MRPL19: variants seen among roughly 807,000 people sequenced by gnomAD.
The protein encoded by MRPL19 is large ribosomal subunit protein bL19m.
A neutral mutation model predicts 34.0 loss-of-function variants in MRPL19; 31 were observed. The ratio of observed to expected loss-of-function variants is 0.91; its 90% confidence interval spans 0.68 to 1.23. The LOEUF (loss-of-function observed/expected upper bound fraction) is 1.23, where lower values mean the gene tolerates loss of function less well. Ranked by LOEUF, MRPL19 falls within the 50% of genes most tolerant of loss-of-function variation. The pLI is 0.00. For synonymous variants in MRPL19, 152 were observed against 127.7 expected, an observed-to-expected ratio of 1.19 and a Z score of -1.28; for missense variants, 384 against 367.6, an observed-to-expected ratio of 1.04 and a Z score of -0.37.
Position 75,657,258 on chromosome 2 carries a change from G to C in MRPL19, c.*1973G>C, listed in dbSNP as rs1270772243. On this transcript the variant is annotated 3_prime_UTR_variant, in exon 6 of 6. Coordinates refer to ENST00000393909, the MANE Select transcript of MRPL19 (RefSeq NM_014763.4). ...GAAAGCCTTTGGGTTGTGGGAAGGG[G>C]CTGTCTTTAGGATTATCTGAATGGG... 2.0e-5 allele frequency: 3 copies of C among 152,050 alleles called. No homozygotes were observed. Among genetic ancestry groups the C allele is most frequent in the African/African-American group, 7.2e-5 (3 of 41,420 alleles). 9.4% of individuals were successfully genotyped at this position (152,050 alleles called of 1,614,324 possible).
chr2:75,646,800 TA>T lies in MRPL19; in HGVS notation c.-7del, dbSNP rs765983528. 8.6e-6 allele frequency: 13 copies of T among 1,505,206 alleles called. No individual in the cohort carries two copies. The South Asian group carries it at 1.7e-4, about 20-fold the overall frequency. 93.2% of individuals were successfully genotyped at this position (1,505,206 alleles called of 1,614,324 possible). A position where few individuals can be genotyped will look rare whatever the true frequency, so the allele number is the denominator to read the frequency against. The stretch of plus-strand genomic sequence containing the variant: ...TGGGAGCTGTAGTCTTGACGTGAGC[TA>T]GCTGGCATGGCGGCCTGCATTGCAG... On this transcript the variant is annotated 5_prime_UTR_variant, in exon 1 of 6. Coordinates refer to ENST00000393909, the MANE Select transcript of MRPL19 (RefSeq NM_014763.4).
rs1678619650 is a variant in MRPL19, at chr2:75,661,491, C to T, written c.*6206C>T. Reference sequence around the variant, plus strand: ...CTTGTTTTTCAATGTGCCTACTCCACCATGTTGCTCAAGTATGTATATTTT... The same window carrying T: ...CTTGTTTTTCAATGTGCCTACTCCATCATGTTGCTCAAGTATGTATATTTT... On this transcript the variant is annotated 3_prime_UTR_variant, in exon 6 of 6. Transcript: ENST00000393909. The T allele has an allele frequency of 6.6e-6, 1 of 152,036 alleles. No individual in the cohort carries two copies. The highest frequency in any genetic ancestry group is 1.5e-5 in the Non-Finnish European group (1 of 68,036). 9.4% of individuals were successfully genotyped at this position (152,036 alleles called of 1,614,324 possible). A position where few individuals can be genotyped will look rare whatever the true frequency, so the allele number is the denominator to read the frequency against.
intron 2 of MRPL19, among the ~76,000 whole-genome samples, chr2:75,648,042 C>G (rs1309581131): frequency 1.3e-5 from 2 of 149,254 alleles, no homozygotes; most frequent in East Asian, 3.9e-4. Context: ...CCACGCCTGG[C>G]TTTTTTTTTT....
intron 2 of MRPL19, among the ~76,000 whole-genome samples, chr2:75,648,305 CAACTT>C (rs1371385063): frequency 1.3e-5 from 2 of 152,122 alleles, no homozygotes; most frequent in African/African-American, 4.8e-5. Flanking sequence ...AGAAAGCACA[CAACTT>C]AAACTCCTAA....
intron 3 of MRPL19, 103 bp downstream of exon 3, chr2:75,652,363 A>G: frequency 1.5e-6 from 2 of 1,297,614 alleles, no homozygotes; most frequent in Non-Finnish European, 2.2e-6. Context: ...TTTTTTACAT[A>G]TCTGGGTTAT....
rs1319764569 is a variant in MRPL19, at chr2:75,656,978, T to TA, written c.*1697dup. ...CTTCCAACTCTTTGCTATTGTATTT[T>TA]AAAATCTTAAGACCCCTTCTTGATT... On this transcript the variant is annotated 3_prime_UTR_variant, in exon 6 of 6. Coordinates refer to ENST00000393909, the MANE Select transcript of MRPL19 (RefSeq NM_014763.4). 1 of 152,168 alleles carries TA rather than the reference T, an allele frequency of 6.6e-6. No individual in the cohort carries two copies. The highest frequency in any genetic ancestry group is 6.5e-5 in the Admixed American group (1 of 15,272). 9.4% of individuals were successfully genotyped at this position (152,168 alleles called of 1,614,324 possible).
intron 2 of MRPL19, 163 bp downstream of exon 2, chr2:75,647,382 C>G (rs993977006): frequency 6.2e-6 from 4 of 645,606 alleles, no homozygotes; most frequent in Non-Finnish European, 1.0e-5. Context: ...TTCTTTCTCA[C>G]TTCTCCCCAA....
At position 75,659,752 on chromosome 2, in the gene MRPL19, G is replaced by C. The variant is rs1678558223; in HGVS notation, c.*4467G>C. Among the ~76,000 whole-genome samples, 1 of 152,074 alleles carries C rather than the reference G, an allele frequency of 6.6e-6. No homozygotes were observed. On this transcript the variant is annotated 3_prime_UTR_variant, in exon 6 of 6. Coordinates refer to ENST00000393909, the MANE Select transcript of MRPL19 (RefSeq NM_014763.4). ...GATATTAGATGTTATAAAATTTGAG[G>C]ATTCCTCATTCTTGATGAGTCAGTT...
At chr2:75,647,290 T>TCC in intron 2 of MRPL19, 71 bp downstream of exon 2, 1 of 1,445,388 alleles carries the variant, frequency 6.9e-7, no homozygotes, top group Non-Finnish European at 9.4e-7. Flanking sequence ...GCGTTCGAGG[T>TCC]CCCGGCTCTA....
At chr2:75,646,991 G>A in intron 1 of MRPL19, 81 bp downstream of exon 1, 1 of 1,482,640 alleles carries the variant, frequency 6.7e-7, no homozygotes, top group African/African-American at 1.4e-5. Flanking sequence ...GAGATCAGAG[G>A]CAACCCCAGC....
chr2:75,653,589 C>T (rs2104133354), intron 4 of MRPL19, among the ~76,000 whole-genome samples: 1 of 152,314 alleles, frequency 6.6e-6, no homozygotes, highest in East Asian at 1.9e-4. Context: ...TGTAACCTGC[C>T]TCAACCTTCC....
rs1278292852 is a variant in MRPL19, at chr2:75,655,336, A to G, written c.*51A>G. 2 of 1,344,782 alleles carry G rather than the reference A, an allele frequency of 1.5e-6. No individual in the cohort carries two copies. The highest frequency in any genetic ancestry group is 2.1e-6 in the Non-Finnish European group (2 of 959,488). The allele number at this position is 1,344,782 out of a possible 1,614,324, so 83.3% of individuals were successfully genotyped here. ...CAGAAGATACATTGGCTCTAAGAGG[A>G]TATATTTTGAGACCAATTTAATTTC... On this transcript the variant is annotated 3_prime_UTR_variant, in exon 6 of 6. Transcript: ENST00000393909.
rs1440238384 is a variant in MRPL19 at position 75,659,706 on chromosome 2, T to G, written c.*4421T>G. Among the ~76,000 whole-genome samples, 1 of 152,230 alleles carries G rather than the reference T, an allele frequency of 6.6e-6. No individual in the cohort carries two copies. Among genetic ancestry groups the G allele is most frequent in the African/African-American group, 2.4e-5 (1 of 41,462 alleles). ...TTAAATATGTCATCCCACTACCTTC[T>G]GACTTCATGGTTTCTCATGAGATAT... On this transcript the variant is annotated 3_prime_UTR_variant, in exon 6 of 6. Transcript: ENST00000393909.
intron 2 of MRPL19, among the ~76,000 whole-genome samples, chr2:75,648,355 T>C (rs1215720218): frequency 6.6e-6 from 1 of 152,092 alleles, no homozygotes; most frequent in African/African-American, 2.4e-5. Context: ...CGAGAATGAA[T>C]GTAACAGTAT....
chr2:75,648,761 C>G (rs113709764), intron 2 of MRPL19, among the ~76,000 whole-genome samples: 1 of 151,686 alleles, frequency 6.6e-6, no homozygotes, highest in Non-Finnish European at 1.5e-5. Flanking sequence ...CCCAGTTACT[C>G]GAGAGGCTGA....
In MRPL19 at chr2:75,660,884, A is replaced by G. The variant is rs1003061181; in HGVS notation, c.*5599A>G. On this transcript the variant is annotated 3_prime_UTR_variant, in exon 6 of 6. Transcript: ENST00000393909. ...GTGCTGTTGAATATTCTAATTTCCC[A>G]AAGAAACTCCTTTGCAGCTTTTTCT... The G allele has an allele frequency of 6.6e-6, 1 of 152,206 alleles. No individual in the cohort carries two copies. The highest frequency in any genetic ancestry group is 1.5e-5 in the Non-Finnish European group (1 of 68,038). The allele number at this position is 152,206 out of a possible 1,614,324, so 9.4% of individuals were successfully genotyped here.
chr2:75,661,327 A>C lies in MRPL19; in HGVS notation c.*6042A>C, dbSNP rs940574266. Reference sequence around the variant, plus strand: ...GCTATGCCTGTTCCTGCTTTAAAAAATATATATATATTTTTTAGGGATTGG... The same window carrying C: ...GCTATGCCTGTTCCTGCTTTAAAAACTATATATATATTTTTTAGGGATTGG... On this transcript the variant is annotated 3_prime_UTR_variant, in exon 6 of 6. Transcript: ENST00000393909. 2.6e-5 allele frequency: 4 copies of C among 152,096 alleles called. No individual in the cohort carries two copies. The highest frequency in any genetic ancestry group is 1.3e-4 in the Admixed American group (2 of 15,276). 9.4% of individuals were successfully genotyped at this position (152,096 alleles called of 1,614,324 possible).
intron 2 of MRPL19, chr2:75,651,314 C>G (rs543502463): frequency 3.1e-5 from 16 of 522,304 alleles, no homozygotes; most frequent in African/African-American, 2.9e-4. Flanking sequence ...TTGTAGGTCT[C>G]TCCTCGACTT....
intron 2 of MRPL19, among the ~76,000 whole-genome samples, chr2:75,650,873 A>T (rs933471345): frequency 1.3e-5 from 2 of 152,138 alleles, no homozygotes; most frequent in African/African-American, 4.8e-5. Context: ...AGACCCCAGG[A>T]CTACCAAGCT....
Sources: gnomAD v4.1 joint callset for allele counts (sites outside exome capture counted in the v4.1 genomes callset) on GRCh38, gnomAD v4.1.1 for gene constraint, MANE v1.5 for transcripts, NCBI Gene and HGNC (gene_info 2026-07-23, HGNC 2026-07-21) for gene names.